The following MACROD2 variants were observed in gnomAD, a reference collection of about 807,000 sequenced individuals.
The protein encoded by MACROD2 is ADP-ribose glycohydrolase MACROD2.
Under a neutral mutation model 70.4 loss-of-function variants are expected in MACROD2, and 36 were observed. That is an observed-to-expected ratio of 0.51 (90% CI 0.39 to 0.68). MACROD2 has a LOEUF of 0.68. MACROD2 is among the 30% of genes least tolerant of loss of function. The pLI is 0.00. For synonymous variants in MACROD2, 172 were observed against 178.8 expected, an observed-to-expected ratio of 0.96 and a Z score of 0.30; for missense variants, 496 against 538.4, an observed-to-expected ratio of 0.92 and a Z score of 0.78.
chr20:14,118,963 A>T, intron 3 of MACROD2, among the ~76,000 whole-genome samples: 1 of 149,704 alleles, frequency 6.7e-6, no homozygotes, highest in East Asian at 2.0e-4. Context: ...CTCCTGCCTC[A>T]GCCTCCTGAG....
chr20:14,698,752 TTAAA>T (rs948990321), intron 5 of MACROD2, among the ~76,000 whole-genome samples: 33 of 150,234 alleles, frequency 2.2e-4, no homozygotes, highest in African/African-American at 7.8e-4. Flanking sequence ...ATTAATTTAA[TTAAA>T]TAATTAAATG....
At chr20:14,336,704 G>A (rs1021330006) in intron 3 of MACROD2, among the ~76,000 whole-genome samples, 3 of 152,138 alleles carry the variant, frequency 2.0e-5, no homozygotes, top group Admixed American at 2.0e-4. Context: ...CATTTACTAT[G>A]CTAGTCACAT....
Position 15,449,854 on chromosome 20 carries a change from A to G in MACROD2, c.571+18419A>G, listed in dbSNP as rs148853690. ...CTAAAAATACAAAAATTAGCTGGGC[A>G]TGGTGGCATATGCCTATAGTCTCAG... On this transcript the variant is annotated intron_variant, in intron 7 of 17. Coordinates refer to ENST00000684519, the MANE Select transcript of MACROD2 (RefSeq NM_001351661.2). Among the ~76,000 whole-genome samples, 69 of 152,240 alleles carry G rather than the reference A, an allele frequency of 4.5e-4. 1 individual carries two copies. The highest frequency in any genetic ancestry group is 4.1e-3 in the Admixed American group (63 of 15,288).
chr20:14,178,309 A>G (rs932931357), intron 3 of MACROD2, among the ~76,000 whole-genome samples: 3 of 152,202 alleles, frequency 2.0e-5, no homozygotes, highest in African/African-American at 4.8e-5. Flanking sequence ...TCAAATTTTA[A>G]CCCATAATCA....
At chr20:14,990,202 G>A (rs944898137) in intron 5 of MACROD2, among the ~76,000 whole-genome samples, 2 of 151,972 alleles carry the variant, frequency 1.3e-5, no homozygotes, top group African/African-American at 4.8e-5. Context: ...TCAACGAATG[G>A]GTTTTGGAAA....
chr20:14,704,313 T>C (rs1047701500), intron 5 of MACROD2, among the ~76,000 whole-genome samples: 7 of 152,080 alleles, frequency 4.6e-5, no homozygotes, highest in Admixed American at 6.6e-5. Flanking sequence ...TGGGCTGTAA[T>C]GGGCCCTTGA....
At chr20:14,965,248 A>G (rs2074622063) in intron 5 of MACROD2, among the ~76,000 whole-genome samples, 2 of 152,154 alleles carry the variant, frequency 1.3e-5, no homozygotes, top group Admixed American at 1.3e-4. Context: ...GTCTGAGAAC[A>G]GTAACATCAA....
At chr20:14,300,733 G>A (rs1242739326) in intron 3 of MACROD2, among the ~76,000 whole-genome samples, 1 of 152,132 alleles carries the variant, frequency 6.6e-6, no homozygotes, top group African/African-American at 2.4e-5. Context: ...TTCCACATCT[G>A]ATTTCTTACA....
chr20:15,319,090 AGT>A (rs1376926407), intron 6 of MACROD2, among the ~76,000 whole-genome samples: 1 of 152,224 alleles, frequency 6.6e-6, no homozygotes, highest in Non-Finnish European at 1.5e-5. Flanking sequence ...GAAAACTGCT[AGT>A]GTTAGTAAAC....
At chr20:14,196,053 C>G (rs2148743443) in intron 3 of MACROD2, among the ~76,000 whole-genome samples, 1 of 152,262 alleles carries the variant, frequency 6.6e-6, no homozygotes, top group Admixed American at 6.5e-5. Context: ...CTAGACACTG[C>G]TGGGGGTCGG....
intron 5 of MACROD2, among the ~76,000 whole-genome samples, chr20:14,740,195 G>A (rs921373939): frequency 2.0e-5 from 3 of 152,024 alleles, no homozygotes; most frequent in African/African-American, 7.2e-5. Flanking sequence ...AGCATTTTGA[G>A]CATAGTCTCT....
intron 6 of MACROD2, among the ~76,000 whole-genome samples, chr20:15,402,155 C>A (rs1301938040): frequency 7.9e-5 from 12 of 152,054 alleles, no homozygotes; most frequent in African/African-American, 2.9e-4. Flanking sequence ...CACACAGCTG[C>A]TATGGGTCAG....
chr20:15,817,890 A>T (rs1428066435), intron 8 of MACROD2, among the ~76,000 whole-genome samples: 1 of 152,092 alleles, frequency 6.6e-6, no homozygotes, highest in Admixed American at 6.6e-5. Flanking sequence ...CTTCAGCCTT[A>T]CTTCTTGTCA....
intron 4 of MACROD2, among the ~76,000 whole-genome samples, chr20:14,581,726 C>A (rs1252191059): frequency 6.6e-6 from 1 of 152,190 alleles, no homozygotes; most frequent in African/African-American, 2.4e-5. Context: ...GCCGACTCTT[C>A]CCATCATCCA....
At chr20:14,991,473 A>G (rs1329346424) in intron 5 of MACROD2, among the ~76,000 whole-genome samples, 2 of 152,182 alleles carry the variant, frequency 1.3e-5, no homozygotes, top group African/African-American at 4.8e-5. Context: ...TTCTTGAATC[A>G]CAGACCTAAG....
intron 6 of MACROD2, among the ~76,000 whole-genome samples, chr20:15,265,392 A>T (rs1020803841): frequency 6.6e-6 from 1 of 152,208 alleles, no homozygotes; most frequent in African/African-American, 2.4e-5. Context: ...TGGAAATTTG[A>T]GGGGAGTGGG....
At chr20:15,038,507 G>A (rs2075331328) in intron 5 of MACROD2, among the ~76,000 whole-genome samples, 1 of 152,138 alleles carries the variant, frequency 6.6e-6, no homozygotes, top group Non-Finnish European at 1.5e-5. Flanking sequence ...TATTGGTTGT[G>A]GCCAAGAAAT....
intron 8 of MACROD2, among the ~76,000 whole-genome samples, chr20:15,652,138 C>A (rs1292696437): frequency 1.3e-5 from 2 of 152,168 alleles, no homozygotes; most frequent in African/African-American, 2.4e-5. Flanking sequence ...AACAAGCACT[C>A]ACCTGCTAGT....
intron 3 of MACROD2, among the ~76,000 whole-genome samples, chr20:14,089,085 A>G (rs2054117083): frequency 6.6e-6 from 1 of 152,226 alleles, no homozygotes; most frequent in Admixed American, 6.5e-5. Flanking sequence ...ATGAATTTAT[A>G]TGAAGACAGG....
Sources: allele counts gnomAD v4.1 joint callset (sites outside exome capture counted in the v4.1 genomes callset), GRCh38; gene constraint gnomAD v4.1.1; transcripts MANE v1.5; gene names NCBI Gene and HGNC (gene_info 2026-07-23, HGNC 2026-07-21).